The following MAGI2 variants were observed in gnomAD, a reference collection of about 807,000 sequenced individuals.
MAGI2 encodes membrane-associated guanylate kinase, WW and PDZ domain-containing protein 2.
A neutral mutation model predicts 133.3 loss-of-function variants in MAGI2; 35 were observed. The observed-to-expected ratio is 0.26, with a 90% CI of 0.20 to 0.35. The LOEUF is 0.35. MAGI2 is among the 10% of genes least tolerant of loss of function. The pLI, the probability that MAGI2 is intolerant of heterozygous loss-of-function variation, is 1.00. For synonymous variants in MAGI2, 729 were observed against 710.6 expected, an observed-to-expected ratio of 1.03 and a Z score of -0.41; for missense variants, 1,636 against 1,863.4, an observed-to-expected ratio of 0.88 and a Z score of 2.25.
chr7:78,070,430 G>GTA (rs1432873012), intron 21 of MAGI2, among the ~76,000 whole-genome samples: 1 of 146,502 alleles, frequency 6.8e-6, no homozygotes, highest in Non-Finnish European at 1.5e-5. Context: ...ATATATATGT[G>GTA]TATATATATA....
At chr7:78,607,359 A>G (rs1182654766) in intron 3 of MAGI2, among the ~76,000 whole-genome samples, 1 of 151,284 alleles carries the variant, frequency 6.6e-6, no homozygotes. Flanking sequence ...TCTAGTATTC[A>G]GTGGCTATGG....
At chr7:78,993,728 T>C (rs535183087) in intron 2 of MAGI2, among the ~76,000 whole-genome samples, 6 of 152,132 alleles carry the variant, frequency 3.9e-5, no homozygotes, top group African/African-American at 1.2e-4. Flanking sequence ...CCCTAAACCT[T>C]GTCCTTCTTA....
intron 6 of MAGI2, among the ~76,000 whole-genome samples, chr7:78,431,698 T>C (rs1799810426): frequency 6.6e-6 from 1 of 152,108 alleles, no homozygotes; most frequent in Non-Finnish European, 1.5e-5. Flanking sequence ...TTGCATTTTG[T>C]TGTGACCTGA....
chr7:78,312,888 C>T (rs1427791833), intron 9 of MAGI2, among the ~76,000 whole-genome samples: 1 of 149,536 alleles, frequency 6.7e-6, no homozygotes, highest in East Asian at 1.9e-4. Flanking sequence ...GGTATATACC[C>T]AAAGGAAAAT....
chr7:78,106,032 G>A (rs996852000), intron 20 of MAGI2, among the ~76,000 whole-genome samples: 2 of 151,478 alleles, frequency 1.3e-5, no homozygotes, highest in Non-Finnish European at 2.9e-5. Context: ...CCCAGTCTCC[G>A]GTAATTATCA....
At chr7:78,945,102 T>G (rs991542406) in intron 2 of MAGI2, among the ~76,000 whole-genome samples, 6 of 152,068 alleles carry the variant, frequency 3.9e-5, no homozygotes, top group African/African-American at 1.2e-4. Context: ...TTCCCCACAC[T>G]GGAGTGTGGA....
At chr7:79,118,679 G>A (rs1819615594) in intron 1 of MAGI2, among the ~76,000 whole-genome samples, 1 of 152,040 alleles carries the variant, frequency 6.6e-6, no homozygotes, top group Admixed American at 6.6e-5. Context: ...TGTAAGTTCT[G>A]TCTCAGAAAT....
chr7:79,174,918 G>T (rs1023153253), intron 1 of MAGI2, among the ~76,000 whole-genome samples: 1 of 151,826 alleles, frequency 6.6e-6, no homozygotes, highest in Non-Finnish European at 1.5e-5. Flanking sequence ...CTAAGTTGAT[G>T]CACACTATTT....
chr7:78,903,684 T>C (rs1290285357), intron 2 of MAGI2, among the ~76,000 whole-genome samples: 1 of 152,156 alleles, frequency 6.6e-6, no homozygotes, highest in East Asian at 1.9e-4. Flanking sequence ...ACATACATTT[T>C]GACATACAGA....
At chr7:78,412,316 G>A (rs1797940995) in intron 6 of MAGI2, among the ~76,000 whole-genome samples, 2 of 152,010 alleles carry the variant, frequency 1.3e-5, no homozygotes, top group Admixed American at 6.6e-5. Flanking sequence ...TGGTCAAAGG[G>A]GAAGCAGTAG....
intron 7 of MAGI2, among the ~76,000 whole-genome samples, chr7:78,354,808 G>C (rs1791896962): frequency 6.6e-6 from 1 of 152,250 alleles, no homozygotes; most frequent in Admixed American, 6.5e-5. Flanking sequence ...AGGGAGAAAA[G>C]GATATATTGC....
chr7:79,311,367 T>C (rs1330194191), intron 1 of MAGI2, among the ~76,000 whole-genome samples: 2 of 152,096 alleles, frequency 1.3e-5, no homozygotes, highest in African/African-American at 4.8e-5. Context: ...AAAATTCTCA[T>C]AGCGTTTTAA....
At chr7:78,403,782 G>T (rs1797123034) in intron 6 of MAGI2, among the ~76,000 whole-genome samples, 1 of 152,088 alleles carries the variant, frequency 6.6e-6, no homozygotes, top group Non-Finnish European at 1.5e-5. Context: ...GTGTCTGTTG[G>T]CTACATAAAT....
At chr7:78,196,105 C>T (rs574264146) in intron 11 of MAGI2, among the ~76,000 whole-genome samples, 1 of 152,306 alleles carries the variant, frequency 6.6e-6, no homozygotes, top group Admixed American at 6.5e-5. Flanking sequence ...CCCGAGGACC[C>T]ACCCAGTTCT....
rs1444953393 is a variant in MAGI2, at chr7:79,232,680, CTCT to C, written c.301+220337_301+220339del. Among the ~76,000 whole-genome samples, 195 of 128,322 alleles carry C rather than the reference CTCT, an allele frequency of 1.5e-3. 7 individuals are homozygous for C. In the East Asian group the frequency reaches 0.04, roughly 26 times the overall value. The allele number at this position is 128,322 out of a possible 152,430, so 84.2% of individuals were successfully genotyped here. A position where few individuals can be genotyped will look rare whatever the true frequency, so the allele number is the denominator to read the frequency against. The stretch of plus-strand genomic sequence containing the variant: ...TTTATTGTGTCTATTTGATTCTTCT[CTCT>C]TTTTTTCTTTATTAGTCTGGCTAGC... On this transcript the variant is annotated intron_variant, in intron 1 of 21. Transcript: ENST00000354212.
intron 3 of MAGI2, among the ~76,000 whole-genome samples, chr7:78,611,861 C>A (rs1405005700): frequency 1.3e-5 from 2 of 152,182 alleles, no homozygotes; most frequent in Non-Finnish European, 2.9e-5. Flanking sequence ...TGAATCCACT[C>A]TGTCCTAGCA....
intron 2 of MAGI2, among the ~76,000 whole-genome samples, chr7:78,655,992 AAAAAAG>A (rs1417996380): frequency 2.7e-5 from 4 of 150,734 alleles, no homozygotes; most frequent in East Asian, 3.9e-4. Context: ...AAAAAAAAAA[AAAAAAG>A]AAAAAGAAAA....
chr7:79,277,971 C>T (rs1413307760), intron 1 of MAGI2, among the ~76,000 whole-genome samples: 2 of 152,140 alleles, frequency 1.3e-5, no homozygotes, highest in Non-Finnish European at 2.9e-5. Context: ...TGACCAACCT[C>T]CCCCTAACAT....
chr7:78,244,240 C>G (rs1176048384), intron 10 of MAGI2, among the ~76,000 whole-genome samples: 1 of 125,300 alleles, frequency 8.0e-6, no homozygotes, highest in Non-Finnish European at 1.7e-5. Context: ...AAAGTGGAAA[C>G]TGGAAGAAAA....
Sources: gnomAD v4.1 joint callset for allele counts (sites outside exome capture counted in the v4.1 genomes callset) on GRCh38, gnomAD v4.1.1 for gene constraint, MANE v1.5 for transcripts, NCBI Gene and HGNC (gene_info 2026-07-23, HGNC 2026-07-21) for gene names.